WDR44: variants seen among roughly 807,000 people sequenced by gnomAD.
The protein encoded by WDR44 is WD repeat-containing protein 44.
A neutral mutation model predicts 65.7 loss-of-function variants in WDR44; 9 were observed. That is an observed-to-expected ratio of 0.14 (90% CI 0.08 to 0.24). WDR44 has a LOEUF of 0.24. WDR44 is among the 10% of genes least tolerant of loss of function. WDR44 has a pLI of 1.00. For missense variants in WDR44, 425 were observed against 670.9 expected (o/e 0.63, Z 4.05); for synonymous variants, 220 against 235.2 (o/e 0.94, Z 0.59).
intron 19 of WDR44, chrX:118,447,030 TA>T: frequency 3.2e-6 from 1 of 313,121 alleles, no homozygotes; most frequent in African/African-American, 2.8e-5. Flanking sequence ...CATGCCTGGC[TA>T]ATTTTTTTTT....
intron 6 of WDR44, among the ~76,000 whole-genome samples, chrX:118,395,619 A>T (rs185072332): frequency 8.9e-6 from 1 of 112,207 alleles, no homozygotes; most frequent in Non-Finnish European, 1.9e-5. Context: ...CTTTGTTGAT[A>T]TGCTGGATGT....
rs1239013944 is a variant in WDR44 at position 118,410,881 on chromosome X, T to G, written c.1673-14T>G. 8.4e-7 allele frequency: 1 copy of G among 1,194,942 alleles called. No homozygotes were observed. ...ACATACATGCCTTTTTTACAATTAT[T>G]ATGTTGTTTTTAGGACGTGTGTCCC... On this transcript the variant is annotated splice_polypyrimidine_tract_variant and intron_variant, in intron 11 of 19. Transcript: ENST00000254029.
At chrX:118,377,632 A>C (rs755476680) in intron 1 of WDR44, among the ~76,000 whole-genome samples, 1 of 110,703 alleles carries the variant, frequency 9.0e-6, no homozygotes, top group African/African-American at 3.3e-5. Flanking sequence ...GTTATGTCAT[A>C]TACAACTATA....
chrX:118,431,465 A>G (rs746894262), intron 12 of WDR44, among the ~76,000 whole-genome samples: 3 of 110,771 alleles, frequency 2.7e-5, no homozygotes, highest in South Asian at 3.9e-4. Context: ...CACCATGCCC[A>G]GCTAATACTG....
chrX:118,346,497 C>A lies in WDR44; in HGVS notation c.-7C>A. 8.3e-7 allele frequency: 1 copy of A among 1,208,096 alleles called. No individual in the cohort carries two copies. Among genetic ancestry groups the A allele is most frequent in the Admixed American group, 2.2e-5 (1 of 45,852 alleles). ...CCGGCCCCCTCACCCGCGGGTGTGT[C>A]CTATAAATGGCGTCGGAAAGCGACA... is the stretch of plus-strand genomic sequence containing the variant. On this transcript the variant is annotated 5_prime_UTR_variant, in exon 1 of 20. Transcript: ENST00000254029.
At chrX:118,430,701 C>T (rs1369722056) in intron 12 of WDR44, among the ~76,000 whole-genome samples, 1 of 111,293 alleles carries the variant, frequency 9.0e-6, no homozygotes, top group Admixed American at 9.6e-5. Context: ...ATTAACCAGG[C>T]GTGGTGGCAT....
At chrX:118,419,808 T>C (rs1392051867) in intron 12 of WDR44, among the ~76,000 whole-genome samples, 1 of 111,898 alleles carries the variant, frequency 8.9e-6, no homozygotes, top group Non-Finnish European at 1.9e-5. Flanking sequence ...AATTGGTACA[T>C]TTATACCATT....
chrX:118,387,910 C>G (rs190407043), intron 3 of WDR44, among the ~76,000 whole-genome samples: 107 of 111,779 alleles, frequency 9.6e-4, no homozygotes, highest in African/African-American at 3.4e-3. Flanking sequence ...GGATAAAACT[C>G]AAGGAGAAAG....
At chrX:118,380,960 A>G (rs2056709556) in intron 2 of WDR44, among the ~76,000 whole-genome samples, 1 of 111,956 alleles carries the variant, frequency 8.9e-6, no homozygotes, top group Non-Finnish European at 1.9e-5. Context: ...TAAATATGCA[A>G]AAGCATGGGA....
chrX:118,428,962 A>G (rs2057182676), intron 12 of WDR44, among the ~76,000 whole-genome samples: 1 of 111,293 alleles, frequency 9.0e-6, no homozygotes, highest in Non-Finnish European at 1.9e-5. Context: ...ACAGAAAACC[A>G]AACACCACAT....
chrX:118,367,858 A>T (rs966839495), intron 1 of WDR44, among the ~76,000 whole-genome samples: 3 of 111,604 alleles, frequency 2.7e-5, no homozygotes, highest in African/African-American at 9.8e-5. Flanking sequence ...TGATTTTTTT[A>T]AAATCCTTTT....
At chrX:118,396,531 AAAC>A (rs779358891) in intron 6 of WDR44, among the ~76,000 whole-genome samples, 1 of 112,441 alleles carries the variant, frequency 8.9e-6, no homozygotes, top group South Asian at 3.6e-4. Flanking sequence ...TAAACCTTGA[AAAC>A]ATCATGTTAA....
At chrX:118,435,212 A>G (rs1164237216) in intron 13 of WDR44, among the ~76,000 whole-genome samples, 1 of 112,481 alleles carries the variant, frequency 8.9e-6, no homozygotes, top group African/African-American at 3.2e-5. Context: ...TACCTCTTTC[A>G]TATGCTCAAA....
At chrX:118,405,304 G>A (rs747912488) in intron 9 of WDR44, among the ~76,000 whole-genome samples, 13 of 110,799 alleles carry the variant, frequency 1.2e-4, no homozygotes, top group African/African-American at 3.9e-4. Flanking sequence ...CCAAAATGCT[G>A]GAATTACAGG....
intron 1 of WDR44, among the ~76,000 whole-genome samples, chrX:118,357,874 G>A (rs765032701): frequency 8.2e-5 from 9 of 109,723 alleles, no homozygotes; most frequent in African/African-American, 3.0e-4. Flanking sequence ...GTGAGACCCC[G>A]ACTCTTAAAA....
At chrX:118,429,706 T>C (rs1355323464) in intron 12 of WDR44, among the ~76,000 whole-genome samples, 1 of 111,823 alleles carries the variant, frequency 8.9e-6, no homozygotes, top group East Asian at 2.8e-4. Flanking sequence ...TGTTTTTTGT[T>C]TGTTTGTTTG....
chrX:118,399,881 T>A (rs182112336), intron 8 of WDR44, among the ~76,000 whole-genome samples: 1 of 109,812 alleles, frequency 9.1e-6, no homozygotes, highest in Non-Finnish European at 1.9e-5. Context: ...AGCCCAGGAG[T>A]TTGAGAGCAG....
At position 118,395,309 on chromosome X, in the gene WDR44, C is replaced by G; in HGVS notation, c.1018C>G (p.Pro340Ala). 2 of 1,209,666 alleles carry G rather than the reference C, an allele frequency of 1.7e-6. No individual in the cohort carries two copies. Among genetic ancestry groups the G allele is most frequent in the Non-Finnish European group, 2.2e-6 (2 of 894,354 alleles). The change falls in exon 6 of 20, where the codon CCT becomes GCT. Residue 340 changes from proline to alanine, a missense_variant. Physicochemically the swap from Pro to Ala is conservative, Grantham distance 27. Transcript: ENST00000254029. ...AGGTGAAGTGATGGGCCCTCAGAGA[C>G]CTAGATCCAACTCTGGGAGAGAGCT... ...VAGEVMGPQR[P>A]RSNSGRELTD...
At chrX:118,441,897 C>T (rs191128361) in intron 15 of WDR44, among the ~76,000 whole-genome samples, 34 of 111,412 alleles carry the variant, frequency 3.1e-4, no homozygotes, top group African/African-American at 1.0e-3. Flanking sequence ...CGTGCCACCA[C>T]ACTCAGCTAA....
Sources: allele counts gnomAD v4.1 joint callset (sites outside exome capture counted in the v4.1 genomes callset), GRCh38; gene constraint gnomAD v4.1.1; transcripts MANE v1.5; gene names NCBI Gene and HGNC (gene_info 2026-07-23, HGNC 2026-07-21).